CEBPZ: variants seen among roughly 807,000 people sequenced by gnomAD.
CEBPZ encodes the protein CCAAT/enhancer-binding protein zeta.
Under a neutral mutation model 104.5 loss-of-function variants are expected in CEBPZ, and 78 were observed. The ratio of observed to expected loss-of-function variants is 0.75; its 90% CI spans 0.62 to 0.90. CEBPZ has a LOEUF of 0.90. CEBPZ is among the 40% of genes least tolerant of loss of function. The pLI, the probability that CEBPZ is intolerant of heterozygous loss-of-function variation, is 0.00. For missense variants in CEBPZ, 1,439 were observed against 1,233.5 expected (o/e 1.17, Z -2.50); for synonymous variants, 470 against 427.0 (o/e 1.10, Z -1.24).
chr2:37,203,955 G>C (rs1480180797), intron 13 of CEBPZ: 1 of 152,074 alleles, frequency 6.6e-6, no homozygotes, highest in Non-Finnish European at 1.5e-5. Context: ...TTTAGGTTTT[G>C]TCTACTTTTT....
At chr2:37,202,084 G>T in intron 15 of CEBPZ, 181 bp from the exon 16 acceptor site, 2 of 388,438 alleles carry the variant, frequency 5.1e-6, no homozygotes, top group Non-Finnish European at 4.5e-6. Context: ...AAAGATAAAT[G>T]TTTCAAAAAG....
Position 37,228,077 on chromosome 2 carries a change from C to T in CEBPZ, c.1116G>A (p.Leu372=). The change falls in exon 2 of 16, where the codon CTG becomes CTA. Residue 372 remains leucine (L), a synonymous_variant. Coordinates refer to ENST00000234170, the MANE Select transcript of CEBPZ (RefSeq NM_005760.3). The stretch of plus-strand genomic sequence containing the variant: ...TTTCTTCCTCAGGCTTGTTACAAAG[C>T]AGCTCATGAGCCACGGTAAGGGCTC... The part of the protein sequence containing the change: ...KTRALTVAHE[L]LCNKPEEEKA... 3 of 1,614,206 alleles carry T rather than the reference C, an allele frequency of 1.9e-6. No individual in the cohort carries two copies. Among genetic ancestry groups the T allele is most frequent in the Non-Finnish European group, 2.5e-6 (3 of 1,180,038 alleles).
rs1219443009 is a variant in CEBPZ, at chr2:37,212,345, C to G, written c.2593G>C (p.Asp865His). 1 of 1,613,478 alleles carries G rather than the reference C, an allele frequency of 6.2e-7. No individual in the cohort carries two copies. Among genetic ancestry groups the G allele is most frequent in the East Asian group, 2.2e-5 (1 of 44,800 alleles). Residue 865 changes from aspartate to histidine, a missense_variant, in exon 11 of 16, where the codon GAT (aspartate) becomes CAT (histidine). Transcript: ENST00000234170. ...ATAGAAGTATGTTACCCAGCAAAAT[C>G]CATATCATCCTTTCCAGAGCTGAAA... is the stretch of plus-strand genomic sequence containing the variant. ...NCFSSGKDDM[D>H]FAGNVKKRTK... is the part of the protein sequence containing the mutation.
At chr2:37,205,427 C>G (rs1347466453) in intron 13 of CEBPZ, among the ~76,000 whole-genome samples, 2 of 152,168 alleles carry the variant, frequency 1.3e-5, no homozygotes, top group Non-Finnish European at 2.9e-5. Flanking sequence ...TACTGAGCAC[C>G]TTGTGACCCC....
intron 4 of CEBPZ, among the ~76,000 whole-genome samples, chr2:37,220,723 G>T (rs1006727872): frequency 1.3e-5 from 2 of 152,194 alleles, no homozygotes; most frequent in African/African-American, 2.4e-5. Context: ...AGGTGCAGTG[G>T]CTCACACCTG....
chr2:37,223,265 G>T lies in CEBPZ; in HGVS notation c.1786C>A (p.Gln596Lys). 6.2e-7 allele frequency: 1 copy of T among 1,614,118 alleles called. No individual in the cohort carries two copies. Among genetic ancestry groups the T allele is most frequent in the African/African-American group, 1.3e-5 (1 of 75,020 alleles). Residue 596 changes from glutamine to lysine, a missense_variant, in exon 3 of 16, where the codon CAA becomes AAA. Physicochemically the swap from Gln to Lys is moderately conservative, Grantham distance 53. Coordinates refer to ENST00000234170, the MANE Select transcript of CEBPZ (RefSeq NM_005760.3). ...FVKRLLQVTC[Q>K]QMPPFICGAL... is the part of the protein sequence containing the mutation. ...CCACATATAAATGGTGGCATCTGTT[G>T]ACAAGTAACTTGAAGTAACCTCTTC...
At position 37,228,003 on chromosome 2, in the gene CEBPZ, C is replaced by A. The variant is rs1664932619; in HGVS notation, c.1190G>T (p.Arg397Ile). The A allele has an allele frequency of 6.2e-7, 1 of 1,614,008 alleles. No individual in the cohort carries two copies. The highest frequency in any genetic ancestry group is 1.3e-5 in the African/African-American group (1 of 74,908). Reference sequence around the variant, plus strand: ...CAGATGGGATGCTTTTGTGGCAATTCTGTTCTGAGGATCTCCCAGTTTATT... The same window carrying A: ...CAGATGGGATGCTTTTGTGGCAATTATGTTCTGAGGATCTCCCAGTTTATT... ...VVNKLGDPQN[R>I]IATKASHLLE... is the part of the protein sequence containing the mutation. Residue 397 changes from arginine to isoleucine, a missense_variant, in exon 2 of 16, where the codon AGA becomes ATA. Arg to Ile is a moderately conservative substitution (Grantham distance 97, BLOSUM62 -3). Coordinates refer to ENST00000234170, the MANE Select transcript of CEBPZ (RefSeq NM_005760.3).
rs1028801657 is a variant in CEBPZ, at chr2:37,201,673, G to C, written c.*91C>G. 1.2e-6 allele frequency: 1 copy of C among 807,262 alleles called. No individual in the cohort carries two copies. The highest frequency in any genetic ancestry group is 1.7e-5 in the African/African-American group (1 of 58,740). The allele number at this position is 807,262 out of a possible 1,614,324, so 50.0% of individuals were successfully genotyped here. A position where few individuals can be genotyped will look rare whatever the true frequency, so the allele number is the denominator to read the frequency against. ...ACAAATCCACTGAGAAGTCTGGAATGTATGGAATCAGAGAGCTAGATCAAA... is the reference window on the plus strand; with the variant it reads ...ACAAATCCACTGAGAAGTCTGGAATCTATGGAATCAGAGAGCTAGATCAAA... On this transcript the variant is annotated 3_prime_UTR_variant, in exon 16 of 16. Coordinates refer to ENST00000234170, the MANE Select transcript of CEBPZ (RefSeq NM_005760.3).
intron 12 of CEBPZ, 99 bp from the exon 13 acceptor site, chr2:37,211,181 C>T: frequency 1.4e-6 from 1 of 708,096 alleles, no homozygotes; most frequent in Non-Finnish European, 2.3e-6. Context: ...GATGGTAAGG[C>T]ACTATACTGC....
At position 37,213,864 on chromosome 2, in the gene CEBPZ, C is replaced by T; in HGVS notation, c.2545G>A (p.Asp849Asn). 6.3e-7 allele frequency: 1 copy of T among 1,594,884 alleles called. No individual in the cohort carries two copies. The highest frequency in any genetic ancestry group is 8.6e-7 in the Non-Finnish European group (1 of 1,166,850). The change falls in exon 10 of 16, where the codon GAC becomes AAC. Residue 849 changes from aspartate (D) to asparagine (N), a missense_variant and splice_region_variant. Coordinates refer to ENST00000234170, the MANE Select transcript of CEBPZ (RefSeq NM_005760.3). ...VDDEEFEELIDTFEDDNCFSS... is the reference protein window; with the variant it reads ...VDDEEFEELINTFEDDNCFSS... ...ACAAAGAGTCAACAAAACAAATTAC[C>T]AATCAGCTCTTCAAATTCTTCATCA...
rs187566425 is a variant in CEBPZ, at chr2:37,208,172, A to T, written c.2884+2827T>A. 1.4e-4 allele frequency among the ~76,000 whole-genome samples: 22 copies of T among 152,306 alleles called. No individual in the cohort carries two copies. The East Asian group carries it at 4.2e-3, about 29-fold the overall frequency. On this transcript the variant is annotated intron_variant, in intron 13 of 15. Coordinates refer to ENST00000234170, the MANE Select transcript of CEBPZ (RefSeq NM_005760.3). ...AACAGTAATAAAAAAACTGCCAACAAAACAAAGTCCAGGACCAGATGGATT... is the reference window on the plus strand; with the variant it reads ...AACAGTAATAAAAAAACTGCCAACATAACAAAGTCCAGGACCAGATGGATT...
At position 37,201,756 on chromosome 2, in the gene CEBPZ, T is replaced by G. The variant is rs754363779; in HGVS notation, c.*8A>C. 1 of 1,344,564 alleles carries G rather than the reference T, an allele frequency of 7.4e-7. No individual in the cohort carries two copies. The highest frequency in any genetic ancestry group is 1.5e-5 in the African/African-American group (1 of 68,830). 83.3% of individuals were successfully genotyped at this position (1,344,564 alleles called of 1,614,324 possible). Reference sequence around the variant, plus strand: ...GTAGAATTTTAATCTATAATTTACATTAATAACTCATTTCCTTTGTTTTTT... The same window carrying G: ...GTAGAATTTTAATCTATAATTTACAGTAATAACTCATTTCCTTTGTTTTTT... On this transcript the variant is annotated 3_prime_UTR_variant, in exon 16 of 16. Coordinates refer to ENST00000234170, the MANE Select transcript of CEBPZ (RefSeq NM_005760.3).
At position 37,227,946 on chromosome 2, in the gene CEBPZ, A is replaced by C. The variant is rs1245443737; in HGVS notation, c.1247T>G (p.Met416Arg). 1 of 1,614,182 alleles carries C rather than the reference A, an allele frequency of 6.2e-7. No homozygotes were observed. The highest frequency in any genetic ancestry group is 8.5e-7 in the Non-Finnish European group (1 of 1,180,026). Residue 416 changes from methionine (M) to arginine (R), a missense_variant, in exon 2 of 16, where the codon ATG becomes AGG. By Grantham distance (91) the Met-to-Arg change is moderately conservative (BLOSUM62 -1). Coordinates refer to ENST00000234170, the MANE Select transcript of CEBPZ (RefSeq NM_005760.3). ...LETLLCKHPN[M>R]KGVVSGEVER... Reference sequence around the variant, plus strand: ...TACTTCACCAGACACAACTCCTTTCATATTGGGATGTTTACAAAGTAATGT... The same window carrying C: ...TACTTCACCAGACACAACTCCTTTCCTATTGGGATGTTTACAAAGTAATGT...
chr2:37,206,147 G>T (rs879557527), intron 13 of CEBPZ, among the ~76,000 whole-genome samples: 2 of 152,214 alleles, frequency 1.3e-5, no homozygotes, highest in Admixed American at 1.3e-4. Flanking sequence ...TTGATCTGCT[G>T]TGCTGAGGAG....
chr2:37,204,813 G>A (rs968923335), intron 13 of CEBPZ: 2 of 152,166 alleles, frequency 1.3e-5, no homozygotes, highest in African/African-American at 4.8e-5. Flanking sequence ...ATTATCAATT[G>A]AGATCTGAAA....
At chr2:37,221,943 A>G (rs568006390) in intron 4 of CEBPZ, among the ~76,000 whole-genome samples, 8 of 152,300 alleles carry the variant, frequency 5.3e-5, no homozygotes, top group African/African-American at 1.9e-4. Context: ...AAACCACTTA[A>G]CGTTTCTATC....
chr2:37,216,913 G>A (rs1200247332), intron 6 of CEBPZ, 71 bp downstream of exon 6: 1 of 1,240,262 alleles, frequency 8.1e-7, no homozygotes, highest in Non-Finnish European at 1.2e-6. Flanking sequence ...AACACTGTAT[G>A]ACCAATTATT....
At chr2:37,214,255 T>C (rs1183374522) in intron 9 of CEBPZ, among the ~76,000 whole-genome samples, 2 of 152,162 alleles carry the variant, frequency 1.3e-5, no homozygotes, top group African/African-American at 4.8e-5. Context: ...ACCCTCAAAA[T>C]TATTCATTCT....
At chr2:37,202,910 G>A in intron 14 of CEBPZ, 40 bp downstream of exon 14, 1 of 1,592,156 alleles carries the variant, frequency 6.3e-7, no homozygotes, top group Non-Finnish European at 8.6e-7. Context: ...TAAAAATAAT[G>A]TAGAATAGCT....
Sources: allele counts gnomAD v4.1 joint callset (sites outside exome capture counted in the v4.1 genomes callset), GRCh38; gene constraint gnomAD v4.1.1; transcripts MANE v1.5; gene names NCBI Gene and HGNC (gene_info 2026-07-23, HGNC 2026-07-21).